Variants in RBFOX1 observed in about 807,000 individuals in gnomAD.
RBFOX1 encodes the protein RNA binding fox-1 homolog 1.
A neutral mutation model predicts 57.7 loss-of-function variants in RBFOX1; 8 were observed. The ratio of observed to expected loss-of-function variants is 0.14; its 90% CI spans 0.08 to 0.25. RBFOX1 has a LOEUF of 0.25. Ranked by LOEUF, RBFOX1 falls within the 10% of genes least tolerant of loss-of-function variation. RBFOX1 has a pLI of 1.00. For missense variants in RBFOX1, 611 were observed against 548.5 expected, an observed-to-expected ratio of 1.11 and a Z score of -1.14; for synonymous variants, 326 against 222.4, an observed-to-expected ratio of 1.47 and a Z score of -4.15.
chr16:6,848,808 A>G (rs764420421), intron 3 of RBFOX1, among the ~76,000 whole-genome samples: 1 of 152,218 alleles, frequency 6.6e-6, no homozygotes, highest in Non-Finnish European at 1.5e-5. Context: ...TTTCACACTC[A>G]TGGAGGAGCA....
At chr16:5,937,114 A>G (rs925705483) in intron 4 of RBFOX1, among the ~76,000 whole-genome samples, 32 of 152,198 alleles carry the variant, frequency 2.1e-4, no homozygotes, top group African/African-American at 7.7e-4. Context: ...TAATTTATAA[A>G]TAAGGCCAAA....
At chr16:7,707,644 A>G (rs751105075) in intron 14 of RBFOX1, among the ~76,000 whole-genome samples, 1 of 152,136 alleles carries the variant, frequency 6.6e-6, no homozygotes, top group Non-Finnish European at 1.5e-5. Context: ...GCCCCATGTC[A>G]GAGGAAGCCA....
At chr16:7,316,550 G>T (rs1267606221) in intron 4 of RBFOX1, among the ~76,000 whole-genome samples, 2 of 152,212 alleles carry the variant, frequency 1.3e-5, no homozygotes, top group African/African-American at 4.8e-5. Context: ...GACAAGGAAA[G>T]CAGGTCTGCT....
intron 2 of RBFOX1, among the ~76,000 whole-genome samples, chr16:6,455,914 TCA>T (rs372918930): frequency 1.7e-3 from 252 of 152,278 alleles, no homozygotes; most frequent in African/African-American, 5.6e-3. Context: ...AAGAAAATAT[TCA>T]CAGAAATCTT....
At chr16:6,718,076 T>G (rs2065191743) in intron 3 of RBFOX1, among the ~76,000 whole-genome samples, 1 of 152,186 alleles carries the variant, frequency 6.6e-6, no homozygotes, top group African/African-American at 2.4e-5. Flanking sequence ...TGTCTAATTT[T>G]AGAGCCAGTG....
chr16:6,057,285 G>C (rs909461474), intron 1 of RBFOX1, among the ~76,000 whole-genome samples: 3 of 151,928 alleles, frequency 2.0e-5, no homozygotes, highest in Non-Finnish European at 4.4e-5. Flanking sequence ...GGAAATATCA[G>C]AATAATGACC....
intron 1 of RBFOX1, among the ~76,000 whole-genome samples, chr16:5,456,515 C>A (rs1451824644): frequency 2.0e-5 from 3 of 152,168 alleles, no homozygotes; most frequent in Admixed American, 1.3e-4. Flanking sequence ...AATGATGTTT[C>A]TGATTGATAC....
At chr16:7,111,255 C>G (rs560101901) in intron 4 of RBFOX1, among the ~76,000 whole-genome samples, 1 of 152,048 alleles carries the variant, frequency 6.6e-6, no homozygotes, top group East Asian at 1.9e-4. Flanking sequence ...TAACTTACAC[C>G]GTAAAAGTGA....
At chr16:5,716,929 A>G (rs2051724382) in intron 3 of RBFOX1, among the ~76,000 whole-genome samples, 1 of 152,118 alleles carries the variant, frequency 6.6e-6, no homozygotes, top group Admixed American at 6.5e-5. Context: ...CGGAGCCTGG[A>G]TTTGCTGACT....
intron 3 of RBFOX1, among the ~76,000 whole-genome samples, chr16:6,975,684 C>G (rs530351571): frequency 1.1e-4 from 16 of 152,180 alleles, no homozygotes; most frequent in Non-Finnish European, 2.1e-4. Flanking sequence ...TCATAAATAT[C>G]TTCCCTTGGA....
In RBFOX1 at chr16:6,165,921, C is replaced by T. The variant is rs144874612; in HGVS notation, c.-127+145929C>T. Among the ~76,000 whole-genome samples the T allele has an allele frequency of 2.4e-4, 37 of 152,220 alleles. No individual in the cohort carries two copies. The East Asian group carries it at 7.0e-3, about 29-fold the overall frequency. On this transcript the variant is annotated intron_variant, in intron 1 of 15. Transcript: ENST00000550418. ...AAGAGGGAGACGTCAAACTTAGGTA[C>T]TGGAATTGCCGGGATGTTGTCATCA...
chr16:6,601,385 T>C (rs55723426), intron 2 of RBFOX1, among the ~76,000 whole-genome samples: 4,335 of 152,240 alleles, frequency 0.028, 199 homozygotes, highest in African/African-American at 0.097. Flanking sequence ...AGGTGAGAGT[T>C]ACGGTGCTTT....
chr16:7,561,129 C>G (rs2090240588), intron 5 of RBFOX1, among the ~76,000 whole-genome samples: 1 of 152,174 alleles, frequency 6.6e-6, no homozygotes, highest in South Asian at 2.1e-4. Context: ...ACAGTGTAGA[C>G]ACAGAGTATT....
chr16:5,476,896 A>G (rs750770870), intron 2 of RBFOX1, among the ~76,000 whole-genome samples: 6 of 152,224 alleles, frequency 3.9e-5, no homozygotes, highest in Non-Finnish European at 7.3e-5. Context: ...CAGTTATTCA[A>G]ATAAAAATGT....
chr16:5,545,103 A>C (rs1014630609), intron 2 of RBFOX1, among the ~76,000 whole-genome samples: 2 of 151,296 alleles, frequency 1.3e-5, no homozygotes, highest in Admixed American at 6.6e-5. Flanking sequence ...CAGCCTTCCG[A>C]GTAGCTGGGA....
intron 1 of RBFOX1, among the ~76,000 whole-genome samples, chr16:6,312,660 C>G (rs1270764850): frequency 4.3e-4 from 6 of 14,036 alleles, no homozygotes; most frequent in Non-Finnish European, 9.6e-4. Context: ...TTCTTTCCTT[C>G]CTTCCTTCCT....
intron 1 of RBFOX1, among the ~76,000 whole-genome samples, chr16:6,037,018 G>A (rs977248013): frequency 6.6e-6 from 1 of 152,144 alleles, no homozygotes; most frequent in African/African-American, 2.4e-5. Context: ...GGGGGAGACA[G>A]GGAGGTCACA....
chr16:5,953,704 T>TATATATA (rs1567185331), intron 4 of RBFOX1, among the ~76,000 whole-genome samples: 25 of 138,686 alleles, frequency 1.8e-4, no homozygotes, highest in African/African-American at 6.8e-4. Flanking sequence ...GTCTTCTGTC[T>TATATATA]TATATATATA....
At chr16:6,741,522 G>C (rs2072106821) in intron 3 of RBFOX1, among the ~76,000 whole-genome samples, 1 of 151,800 alleles carries the variant, frequency 6.6e-6, no homozygotes, top group South Asian at 2.1e-4. Flanking sequence ...ATTTTAGCCA[G>C]GCTAACTTTG....
Sources: allele counts gnomAD v4.1 joint callset (sites outside exome capture counted in the v4.1 genomes callset), GRCh38; gene constraint gnomAD v4.1.1; transcripts MANE v1.5; gene names NCBI Gene and HGNC (gene_info 2026-07-23, HGNC 2026-07-21).